Variants in DPYSL4 observed in about 807,000 individuals in gnomAD.
DPYSL4 encodes the protein dihydropyrimidinase like 4.
In DPYSL4, 43 loss-of-function variants were observed where a neutral mutation model predicts 63.4. The observed-to-expected ratio is 0.68, with a 90% CI of 0.53 to 0.88. The LOEUF (loss-of-function observed/expected upper bound fraction) is 0.88, where lower values mean the gene tolerates loss of function less well. Among genes scored for constraint, DPYSL4 ranks in the 40% least tolerant of loss-of-function variants. DPYSL4 has a pLI of 0.00. For synonymous variants in DPYSL4, 353 were observed against 331.7 expected, an observed-to-expected ratio of 1.06 and a Z score of -0.70; for missense variants, 733 against 819.5, an observed-to-expected ratio of 0.89 and a Z score of 1.29.
Position 132,190,786 on chromosome 10 carries a change from G to A in DPYSL4, c.79G>A (p.Asp27Asn), listed in dbSNP as rs1456142964. The A allele has an allele frequency of 6.2e-7, 1 of 1,613,826 alleles. No homozygotes were observed. The highest frequency in any genetic ancestry group is 8.5e-7 in the Non-Finnish European group (1 of 1,179,856). The change falls in exon 2 of 14, where the codon GAC (aspartate) becomes AAC (asparagine). Residue 27 changes from aspartate to asparagine, a missense_variant. By Grantham distance (23) the Asp-to-Asn change is conservative (BLOSUM62 1). Coordinates refer to ENST00000338492, the MANE Select transcript of DPYSL4 (RefSeq NM_006426.3). ...GATCAGAGGTGGGAGGATCGTGAAT[G>A]ACGACCAGTCCTTTTACGCTGATGT... is the stretch of plus-strand genomic sequence containing the variant. ...LLIRGGRIVN[D>N]DQSFYADVHV... is the part of the protein sequence containing the mutation.
Position 132,205,577 on chromosome 10 carries a change from G to A in DPYSL4, c.*647G>A, listed in dbSNP as rs1261073440. On this transcript the variant is annotated 3_prime_UTR_variant, in exon 14 of 14. Transcript: ENST00000338492. The stretch of plus-strand genomic sequence containing the variant: ...TGTAGCCCTCATCCAGGGAAGTTTT[G>A]CGATCCTTTAGGAAGACACTGTCCT... 2 of 152,520 alleles carry A rather than the reference G, an allele frequency of 1.3e-5. No homozygotes were observed. The highest frequency in any genetic ancestry group is 2.9e-5 in the Non-Finnish European group (2 of 68,122). 9.4% of individuals were successfully genotyped at this position (152,520 alleles called of 1,614,324 possible).
rs137897999 is a variant in DPYSL4, at chr10:132,190,761, G to C, written c.54G>C (p.Leu18=). The C allele has an allele frequency of 6.2e-7, 1 of 1,613,394 alleles. No individual in the cohort carries two copies. The highest frequency in any genetic ancestry group is 2.2e-5 in the East Asian group (1 of 44,872). Residue 18 remains leucine, a synonymous_variant, in exon 2 of 14, where the codon CTG becomes CTC. Coordinates refer to ENST00000338492, the MANE Select transcript of DPYSL4 (RefSeq NM_006426.3). ...SIPRITSDRL[L]IRGGRIVNDD... ...GTTCCCGATAGAGTGACCGCCTTCT[G>C]ATCAGAGGTGGGAGGATCGTGAATG... is the stretch of plus-strand genomic sequence containing the variant.
At chr10:132,189,578 C>T (rs932419853) in intron 1 of DPYSL4, among the ~76,000 whole-genome samples, 2 of 150,422 alleles carry the variant, frequency 1.3e-5, no homozygotes, top group Non-Finnish European at 3.0e-5. Context: ...TGCGTCCGAG[C>T]TGCACTGGAA....
In DPYSL4 at chr10:132,192,113, A is replaced by G. The variant is rs538071057; in HGVS notation, c.129-545A>G. ...CTGGTCACGTGGTATCCAGGCATTGACTTTTGGGTGAAATCCATGGGAGAG... is the reference window on the plus strand; with the variant it reads ...CTGGTCACGTGGTATCCAGGCATTGGCTTTTGGGTGAAATCCATGGGAGAG... On this transcript the variant is annotated intron_variant, in intron 2 of 13. Transcript: ENST00000338492. Among the ~76,000 whole-genome samples the G allele has an allele frequency of 1.6e-4, 25 of 152,282 alleles. No homozygotes were observed. In the South Asian group the frequency reaches 5.0e-3, roughly 30 times the overall value.
chr10:132,204,718 T>G (rs1590108887), intron 13 of DPYSL4, 121 bp from the exon 14 acceptor site: 18 of 747,812 alleles, frequency 2.4e-5, no homozygotes, highest in Non-Finnish European at 2.0e-6. Flanking sequence ...TGGTGGCAGG[T>G]GTGCGGGGGC....
intron 2 of DPYSL4, among the ~76,000 whole-genome samples, chr10:132,191,789 A>C (rs113759689): frequency 1.2e-5 from 1 of 83,376 alleles, no homozygotes; most frequent in Admixed American, 1.5e-4. Context: ...GGCAGGTGCA[A>C]ATAGTTCCCA....
intron 8 of DPYSL4, among the ~76,000 whole-genome samples, chr10:132,199,394 C>T (rs1201050006): frequency 6.6e-6 from 1 of 152,158 alleles, no homozygotes; most frequent in African/African-American, 2.4e-5. Flanking sequence ...CTGCAGAGAG[C>T]CTCAGGCCTG....
chr10:132,192,941 G>A, intron 3 of DPYSL4, 99 bp downstream of exon 3: 1 of 1,224,172 alleles, frequency 8.2e-7, no homozygotes. Flanking sequence ...GCCTAAAGGT[G>A]CCTTTCTCAG....
Position 132,197,400 on chromosome 10 carries a change from C to T in DPYSL4, c.621+299C>T, listed in dbSNP as rs376255772. ...GTCAGCCCCAGGGATCGAGGCCCCTCCTGTGGAGCGGGGTACCCGCTGGGG... is the reference window on the plus strand; with the variant it reads ...GTCAGCCCCAGGGATCGAGGCCCCTTCTGTGGAGCGGGGTACCCGCTGGGG... On this transcript the variant is annotated intron_variant, in intron 6 of 13. Coordinates refer to ENST00000338492, the MANE Select transcript of DPYSL4 (RefSeq NM_006426.3). 3.9e-4 allele frequency among the ~76,000 whole-genome samples: 59 copies of T among 152,356 alleles called. No individual in the cohort carries two copies. The East Asian group carries it at 7.3e-3, about 19-fold the overall frequency.
At chr10:132,196,141 C>T (rs1179108486) in intron 4 of DPYSL4, among the ~76,000 whole-genome samples, 6 of 152,192 alleles carry the variant, frequency 3.9e-5, no homozygotes, top group East Asian at 1.9e-4. Context: ...TTCCACCCAG[C>T]GAGGAGGAGA....
chr10:132,194,891 C>T lies in DPYSL4; in HGVS notation c.360C>T (p.Tyr120=), dbSNP rs771525757. The change falls in exon 4 of 14, where the codon TAC becomes TAT. Residue 120 remains tyrosine, a synonymous_variant. Transcript: ENST00000338492. ...PDTGVSLLAA[Y]EQWRERADSA... is the part of the protein sequence containing the mutation. ...CGGGTGTGAGCCTGCTGGCGGCCTA[C>T]GAGCAGTGGCGGGAGCGGGCGGACA... is the stretch of plus-strand genomic sequence containing the variant. The T allele has an allele frequency of 3.0e-5, 49 of 1,612,694 alleles. No individual in the cohort carries two copies. The highest frequency in any genetic ancestry group is 1.5e-4 in the Admixed American group (9 of 59,994).
At chr10:132,202,959 CAGGGCCCTGGTGGGTCTAAGTGGAGA>C (rs2062040004) in intron 12 of DPYSL4, 134 bp downstream of exon 12, 1 of 1,122,112 alleles carries the variant, frequency 8.9e-7, no homozygotes, top group Non-Finnish European at 1.2e-6. Flanking sequence ...GCTGCTTGCC[CAGGGCCCTGGTGGGTCTAAGTGGAGA>C]AGAGCCTGCT....
intron 1 of DPYSL4, 56 bp downstream of exon 1, chr10:132,187,158 T>C: frequency 7.3e-7 from 1 of 1,365,114 alleles, no homozygotes; most frequent in Non-Finnish European, 1.0e-6. Context: ...GAGTGGGGCC[T>C]GGACGCCGGG....
Position 132,191,760 on chromosome 10 carries a change from A to G in DPYSL4, c.129-898A>G, listed in dbSNP as rs567435497. Among the ~76,000 whole-genome samples the G allele has an allele frequency of 2.6e-3, 199 of 78,032 alleles. 24 individuals are homozygous for G. The highest frequency in any genetic ancestry group is 0.011 in the Admixed American group (65 of 5,974). 51.2% of individuals were successfully genotyped at this position (78,032 alleles called of 152,430 possible). A position where few individuals can be genotyped will look rare whatever the true frequency, so the allele number is the denominator to read the frequency against. The stretch of plus-strand genomic sequence containing the variant: ...GTATGTTCCCACCTCTTGTGTACAC[A>G]CTGGTCACGTGGTATCCAGGCAGGT... On this transcript the variant is annotated intron_variant, in intron 2 of 13. Coordinates refer to ENST00000338492, the MANE Select transcript of DPYSL4 (RefSeq NM_006426.3).
intron 6 of DPYSL4, among the ~76,000 whole-genome samples, chr10:132,197,352 C>T (rs117308102): frequency 0.011 from 1,607 of 152,332 alleles, 13 homozygotes; most frequent in Non-Finnish European, 0.016. Context: ...CACTTCTTAT[C>T]CAAAATACCT....
chr10:132,190,562 CTG>C (rs2061860860), intron 1 of DPYSL4, among the ~76,000 whole-genome samples, 183 bp from the exon 2 acceptor site: 1 of 152,256 alleles, frequency 6.6e-6, no homozygotes, highest in Non-Finnish European at 1.5e-5. Context: ...CCAGGGGCAA[CTG>C]TTTTTGAGCG....
intron 1 of DPYSL4, among the ~76,000 whole-genome samples, chr10:132,190,052 C>T (rs1471500469): frequency 2.0e-5 from 3 of 152,264 alleles, no homozygotes; most frequent in East Asian, 1.9e-4. Context: ...CCATGTCTGC[C>T]TTGCCCCTGT....
intron 3 of DPYSL4, 38 bp downstream of exon 3, chr10:132,192,880 A>G (rs1305572319): frequency 6.5e-7 from 1 of 1,548,734 alleles, no homozygotes; most frequent in Non-Finnish European, 8.7e-7. Flanking sequence ...GGGGGCAGCC[A>G]GCGTCTGCTG....
intron 8 of DPYSL4, among the ~76,000 whole-genome samples, chr10:132,199,724 A>G (rs910423596): frequency 5.3e-5 from 8 of 151,512 alleles, no homozygotes; most frequent in African/African-American, 1.7e-4. Context: ...GTGCCCTTCT[A>G]TGTGTTTCCT....
Sources: gnomAD v4.1 joint callset for allele counts (sites outside exome capture counted in the v4.1 genomes callset) on GRCh38, gnomAD v4.1.1 for gene constraint, MANE v1.5 for transcripts, NCBI Gene and HGNC (gene_info 2026-07-23, HGNC 2026-07-21) for gene names.